SCIN: variants seen among roughly 807,000 people sequenced by gnomAD.
SCIN encodes scinderin, also known as adseverin.
Under a neutral mutation model 91.8 loss-of-function variants are expected in SCIN, and 91 were observed. That is an observed-to-expected ratio of 0.99 (90% confidence interval 0.84 to 1.18). The LOEUF is 1.18. Among genes scored for constraint, SCIN ranks in the 50% most tolerant of loss-of-function variants. The pLI, the probability that SCIN is intolerant of heterozygous loss-of-function variation, is 0.00. For missense variants in SCIN, 1,087 were observed against 863.9 expected (o/e 1.26, Z -3.24); for synonymous variants, 367 against 312.6 (o/e 1.17, Z -1.84).
chr7:12,573,864 T>C (rs1167839320), intron 1 of SCIN, among the ~76,000 whole-genome samples: 3 of 152,122 alleles, frequency 2.0e-5, no homozygotes, highest in African/African-American at 4.8e-5. Context: ...ATCCAAAGGA[T>C]TGGATTACAA....
At chr7:12,635,235 T>C (rs1783723811) in intron 9 of SCIN, among the ~76,000 whole-genome samples, 1 of 151,722 alleles carries the variant, frequency 6.6e-6, no homozygotes, top group Admixed American at 6.6e-5. Flanking sequence ...ATGGGACCTC[T>C]CCATTGTCTA....
At chr7:12,652,554 A>G (rs1477694028) in intron 15 of SCIN, 34 bp from the exon 16 acceptor site, 3 of 1,600,032 alleles carry the variant, frequency 1.9e-6, no homozygotes, top group African/African-American at 1.3e-5. Flanking sequence ...AACCCAAACT[A>G]ACTGAATTTA....
Position 12,604,628 on chromosome 7 carries a change from G to T in SCIN, c.631G>T (p.Val211Leu). ...GAAAGGAAGGTCTGAACTAATTGTCGTGGAAGAAGGAAGTGAACCCTCAGA... is the reference window on the plus strand; with the variant it reads ...GAAAGGAAGGTCTGAACTAATTGTCTTGGAAGAAGGAAGTGAACCCTCAGA... ...ERKGRSELIV[V>L]EEGSEPSELI... is the part of the protein sequence containing the mutation. The change falls in exon 4 of 16, where the codon GTG becomes TTG. Residue 211 changes from valine (V) to leucine (L), a missense_variant. Transcript: ENST00000297029. 16 of 1,552,142 alleles carry T rather than the reference G, an allele frequency of 1.0e-5. No homozygotes were observed. Among genetic ancestry groups the T allele is most frequent in the Non-Finnish European group, 1.4e-5 (16 of 1,147,112 alleles).
At chr7:12,629,314 C>T (rs2073078772) in intron 9 of SCIN, 92 bp downstream of exon 9, 1 of 1,183,832 alleles carries the variant, frequency 8.4e-7, no homozygotes, top group African/African-American at 1.6e-5. Context: ...TAGAATAATC[C>T]TATAATCATC....
chr7:12,603,385 C>A (rs371329665), intron 3 of SCIN, among the ~76,000 whole-genome samples: 1 of 151,990 alleles, frequency 6.6e-6, no homozygotes, highest in South Asian at 2.1e-4. Flanking sequence ...ACCCACGATC[C>A]GCAAGCCTCG....
At chr7:12,623,052 T>C (rs1783442623) in intron 5 of SCIN, among the ~76,000 whole-genome samples, 159 bp downstream of exon 5, 1 of 152,200 alleles carries the variant, frequency 6.6e-6, no homozygotes, top group Non-Finnish European at 1.5e-5. Context: ...TTGTATGTTT[T>C]TTTAATTAAG....
intron 13 of SCIN, 85 bp downstream of exon 13, chr7:12,644,790 C>G: frequency 7.5e-7 from 1 of 1,341,380 alleles, no homozygotes; most frequent in African/African-American, 1.5e-5. Context: ...CCGAGGCAGG[C>G]AGATCACCTG....
rs1021229544 is a variant in SCIN, at chr7:12,629,172, C to T, written c.1269C>T (p.Asp423=). The T allele has an allele frequency of 2.5e-6, 4 of 1,613,082 alleles. No individual in the cohort carries two copies. Among genetic ancestry groups the T allele is most frequent in the South Asian group, 1.1e-5 (1 of 91,036 alleles). The change falls in exon 9 of 16, where the codon GAC becomes GAT. Residue 423 remains aspartate (D), a synonymous_variant. Coordinates refer to ENST00000297029, the MANE Select transcript of SCIN (RefSeq NM_001112706.3). ...QNSYGEFYGG[D]CYIILYTYPR... is the part of the protein sequence containing the mutation. Reference sequence around the variant, plus strand: ...CATATGGTGAATTCTATGGTGGTGACTGCTACATCATACTCTACACCTATC... The same window carrying T: ...CATATGGTGAATTCTATGGTGGTGATTGCTACATCATACTCTACACCTATC...
In SCIN at chr7:12,651,979, A is replaced by G; in HGVS notation, c.2020+78A>G. On this transcript the variant is annotated intron_variant, in intron 15 of 15. Transcript: ENST00000297029. This position sits in a 1 kb window ranked among gnomAD's most constrained non-coding sequence, Gnocchi z 5.9. ...AGTGTCTGGCTTGCTCTTTGCCACC[A>G]TGTCTTACAAAAATACATTTCAAAA... is the stretch of plus-strand genomic sequence containing the variant. 2 of 903,998 alleles carry G rather than the reference A, an allele frequency of 2.2e-6. No individual in the cohort carries two copies. Among genetic ancestry groups the G allele is most frequent in the Non-Finnish European group, 3.5e-6 (2 of 577,654 alleles). 56.0% of individuals were successfully genotyped at this position (903,998 alleles called of 1,614,324 possible). A position where few individuals can be genotyped will look rare whatever the true frequency, so the allele number is the denominator to read the frequency against.
At chr7:12,611,405 T>G (rs987893683) in intron 4 of SCIN, among the ~76,000 whole-genome samples, 5 of 152,214 alleles carry the variant, frequency 3.3e-5, no homozygotes, top group African/African-American at 9.6e-5. Context: ...CTTAGGATTT[T>G]GTCAGCATTC....
At chr7:12,616,016 G>A (rs1783291727) in intron 4 of SCIN, among the ~76,000 whole-genome samples, 1 of 152,006 alleles carries the variant, frequency 6.6e-6, no homozygotes, top group Non-Finnish European at 1.5e-5. Flanking sequence ...TGGTGATACA[G>A]GGCAGTGAAA....
chr7:12,606,910 C>T (rs994215998), intron 4 of SCIN, among the ~76,000 whole-genome samples: 1 of 152,128 alleles, frequency 6.6e-6, no homozygotes, highest in African/African-American at 2.4e-5. Context: ...AATTCTTGAT[C>T]TTTTAATATT....
chr7:12,588,267 C>T (rs1293138474), intron 3 of SCIN, among the ~76,000 whole-genome samples: 6 of 152,124 alleles, frequency 3.9e-5, no homozygotes, highest in Admixed American at 1.3e-4. Context: ...GTGCCTAGTG[C>T]GTGCCGAGTG....
chr7:12,640,665 T>A, intron 11 of SCIN, 148 bp downstream of exon 11: 1 of 745,306 alleles, frequency 1.3e-6, no homozygotes, highest in Non-Finnish European at 1.9e-6. Context: ...TAAAAACATT[T>A]AAAGCAGGAG....
At chr7:12,588,824 C>A (rs991155368) in intron 3 of SCIN, 1 of 2,794 alleles carries the variant, frequency 3.6e-4, no homozygotes, top group Non-Finnish European at 7.5e-4. Flanking sequence ...GGGGGGGGTG[C>A]GGGGGCGGGT....
At chr7:12,605,340 T>C (rs976332309) in intron 4 of SCIN, among the ~76,000 whole-genome samples, 4 of 152,170 alleles carry the variant, frequency 2.6e-5, no homozygotes, top group Admixed American at 6.6e-5. Flanking sequence ...TGAGCCACCC[T>C]GCCCGGCCTT....
intron 13 of SCIN, among the ~76,000 whole-genome samples, chr7:12,645,921 T>G (rs1379446269): frequency 6.6e-6 from 1 of 152,244 alleles, no homozygotes; most frequent in East Asian, 1.9e-4. Context: ...ATGTGTTAAT[T>G]TAATAATTTG....
At chr7:12,587,053 T>C (rs1782602965) in intron 3 of SCIN, among the ~76,000 whole-genome samples, 1 of 152,304 alleles carries the variant, frequency 6.6e-6, no homozygotes, top group Non-Finnish European at 1.5e-5. Context: ...AATAATTTAT[T>C]GTATATTTTT....
chr7:12,647,194 G>A lies in SCIN; in HGVS notation c.1882-2273G>A, dbSNP rs1023247236. 2.6e-5 allele frequency among the ~76,000 whole-genome samples: 4 copies of A among 152,250 alleles called. No homozygotes were observed. In the East Asian group the frequency reaches 7.7e-4, roughly 29 times the overall value. The stretch of plus-strand genomic sequence containing the variant: ...GTGTTTAAAGAAAAAAGATCTGTTA[G>A]TCTTTGGCTTTTTGTTATGCGTATA... On this transcript the variant is annotated intron_variant, in intron 13 of 15. Transcript: ENST00000297029.
Sources: allele counts gnomAD v4.1 joint callset (sites outside exome capture counted in the v4.1 genomes callset), GRCh38; gene constraint gnomAD v4.1.1; non-coding constraint Gnocchi (gnomAD v3.1); transcripts MANE v1.5; gene names NCBI Gene and HGNC (gene_info 2026-07-23, HGNC 2026-07-21).